Variants in TTC28 observed in about 807,000 individuals in gnomAD.
The protein encoded by TTC28 is tetratricopeptide repeat protein 28.
In TTC28, 61 loss-of-function variants were observed where a neutral mutation model predicts 198.0. The observed-to-expected ratio is 0.31, with a 90% CI of 0.25 to 0.38. TTC28 has a LOEUF of 0.38. Among genes scored for constraint, TTC28 ranks in the 10% least tolerant of loss-of-function variants. The probability of loss-of-function intolerance (pLI) is 1.00; values close to 1 mark genes in which losing one functional copy is unlikely to be tolerated. For missense variants in TTC28, 2,678 were observed against 3,164.0 expected (o/e 0.85, Z 3.69); for synonymous variants, 1,171 against 1,297.8 (o/e 0.90, Z 2.10).
At chr22:28,502,796 G>T (rs1462349771) in intron 2 of TTC28, among the ~76,000 whole-genome samples, 1 of 152,102 alleles carries the variant, frequency 6.6e-6, no homozygotes, top group Non-Finnish European at 1.5e-5. Context: ...GAGAGGAAAG[G>T]CCTTAAATCC....
At chr22:28,439,756 T>C (rs914365816) in intron 2 of TTC28, among the ~76,000 whole-genome samples, 3 of 152,246 alleles carry the variant, frequency 2.0e-5, no homozygotes, top group Non-Finnish European at 2.9e-5. Context: ...ATTCTTACCA[T>C]GACAAGGTTG....
intron 5 of TTC28, among the ~76,000 whole-genome samples, chr22:28,250,968 T>C (rs1166869050): frequency 6.6e-6 from 1 of 152,192 alleles, no homozygotes; most frequent in Non-Finnish European, 1.5e-5. Flanking sequence ...AAAGAAGTGG[T>C]AAAGTAGCCG....
intron 5 of TTC28, among the ~76,000 whole-genome samples, chr22:28,179,146 T>C (rs1923454892): frequency 6.7e-6 from 1 of 150,186 alleles, no homozygotes; most frequent in East Asian, 1.9e-4. Context: ...TGGTACTTAG[T>C]TTTTTGTTTT....
At chr22:28,112,844 A>AT (rs1426473857) in intron 6 of TTC28, among the ~76,000 whole-genome samples, 1 of 152,136 alleles carries the variant, frequency 6.6e-6, no homozygotes, top group Non-Finnish European at 1.5e-5. Context: ...TTAAATGAAG[A>AT]TTAGTGGGGC....
At chr22:28,640,513 C>A (rs529408754) in intron 1 of TTC28, among the ~76,000 whole-genome samples, 3 of 151,588 alleles carry the variant, frequency 2.0e-5, no homozygotes, top group African/African-American at 4.8e-5. Context: ...TTTCATTCAA[C>A]TCCAAGATAC....
chr22:28,132,332 C>T (rs1429088298), intron 6 of TTC28, among the ~76,000 whole-genome samples: 1 of 152,198 alleles, frequency 6.6e-6, no homozygotes, highest in Admixed American at 6.5e-5. Flanking sequence ...TATCACCAGT[C>T]ATCCAGCAGT....
At chr22:28,133,921 G>A (rs1288324176) in intron 6 of TTC28, among the ~76,000 whole-genome samples, 1 of 152,228 alleles carries the variant, frequency 6.6e-6, no homozygotes, top group African/African-American at 2.4e-5. Flanking sequence ...CCTGAAGTGG[G>A]TCCCTGACCC....
At chr22:28,424,390 G>C (rs948582539) in intron 2 of TTC28, among the ~76,000 whole-genome samples, 5 of 151,988 alleles carry the variant, frequency 3.3e-5, no homozygotes, top group African/African-American at 9.7e-5. Flanking sequence ...ACTTCCTTCA[G>C]GTTCTTTTCT....
chr22:28,332,629 T>C (rs2045634752), intron 2 of TTC28, among the ~76,000 whole-genome samples: 2 of 152,040 alleles, frequency 1.3e-5, no homozygotes, highest in Non-Finnish European at 2.9e-5. Flanking sequence ...AACAACAAAA[T>C]CTTCATTCAC....
chr22:28,515,988 A>G (rs976958480), intron 2 of TTC28, among the ~76,000 whole-genome samples: 5 of 152,124 alleles, frequency 3.3e-5, no homozygotes, highest in African/African-American at 4.8e-5. Flanking sequence ...CTACTAAAAA[A>G]TACAAAAATT....
chr22:28,292,340 A>T (rs1290327706), intron 5 of TTC28, among the ~76,000 whole-genome samples: 1 of 152,102 alleles, frequency 6.6e-6, no homozygotes, highest in Non-Finnish European at 1.5e-5. Flanking sequence ...GGCATGTGTC[A>T]CCACACCCAA....
intron 2 of TTC28, among the ~76,000 whole-genome samples, chr22:28,451,230 G>A (rs1484690292): frequency 6.6e-6 from 1 of 152,166 alleles, no homozygotes; most frequent in African/African-American, 2.4e-5. Context: ...AGAGTGACGG[G>A]ATATCATTGA....
At chr22:28,349,633 TCA>T (rs763436243) in intron 2 of TTC28, among the ~76,000 whole-genome samples, 27 of 152,330 alleles carry the variant, frequency 1.8e-4, no homozygotes, top group Non-Finnish European at 2.8e-4. Flanking sequence ...TCTCTGGACC[TCA>T]GTTTCCTCTT....
At chr22:28,029,313 G>A (rs893915073) in intron 13 of TTC28, among the ~76,000 whole-genome samples, 1 of 152,188 alleles carries the variant, frequency 6.6e-6, no homozygotes, top group Non-Finnish European at 1.5e-5. Context: ...GCACAATAAT[G>A]AGAGGAAACC....
intron 12 of TTC28, among the ~76,000 whole-genome samples, chr22:28,049,307 G>A (rs1045704219): frequency 1.2e-4 from 19 of 152,096 alleles, no homozygotes; most frequent in African/African-American, 4.1e-4. Context: ...CCCCTCCCAA[G>A]GAGAACCAAG....
intron 2 of TTC28, among the ~76,000 whole-genome samples, chr22:28,428,831 G>A (rs1011634335): frequency 1.3e-5 from 2 of 151,608 alleles, no homozygotes; most frequent in African/African-American, 4.8e-5. Flanking sequence ...TAGTAGAGGC[G>A]GGGTTCCACC....
chr22:28,513,155 T>G (rs900129538), intron 2 of TTC28, among the ~76,000 whole-genome samples: 2 of 152,002 alleles, frequency 1.3e-5, no homozygotes, highest in Non-Finnish European at 2.9e-5. Context: ...GTCTGGAAAT[T>G]TTTTAATACT....
chr22:28,311,496 G>T (rs2045256007), intron 2 of TTC28, among the ~76,000 whole-genome samples: 1 of 152,076 alleles, frequency 6.6e-6, no homozygotes, highest in South Asian at 2.1e-4. Context: ...AAGAAAAACT[G>T]ATTTTTGAAA....
At chr22:28,052,130 G>A (rs1346739901) in intron 12 of TTC28, among the ~76,000 whole-genome samples, 6 of 152,116 alleles carry the variant, frequency 3.9e-5, no homozygotes, top group Non-Finnish European at 8.8e-5. Flanking sequence ...TTCCCTTGGG[G>A]GTTTTATAAT....
Sources: gnomAD v4.1 joint callset for allele counts (sites outside exome capture counted in the v4.1 genomes callset) on GRCh38, gnomAD v4.1.1 for gene constraint, MANE v1.5 for transcripts, NCBI Gene and HGNC (gene_info 2026-07-23, HGNC 2026-07-21) for gene names.